Variants in TEX2 observed in about 807,000 individuals in gnomAD.
TEX2 encodes the protein testis expressed 2.
Under a neutral mutation model 106.9 loss-of-function variants are expected in TEX2, and 53 were observed. The ratio of observed to expected loss-of-function variants is 0.50; its 90% confidence interval spans 0.40 to 0.62. TEX2 has a LOEUF of 0.62. TEX2 is among the 20% of genes least tolerant of loss of function. The probability of loss-of-function intolerance (pLI) is 0.00; values close to 1 mark genes in which losing one functional copy is unlikely to be tolerated. For synonymous variants in TEX2, 523 were observed against 534.8 expected, an observed-to-expected ratio of 0.98 and a Z score of 0.30; for missense variants, 1,207 against 1,379.0, an observed-to-expected ratio of 0.88 and a Z score of 1.98.
chr17:64,183,372 A>T (rs958420196), intron 5 of TEX2, among the ~76,000 whole-genome samples: 1 of 152,232 alleles, frequency 6.6e-6, no homozygotes, highest in Non-Finnish European at 1.5e-5. Context: ...ACTATTTCCC[A>T]CAGTGGCTGG....
chr17:64,263,066 C>G (rs1279828878), intron 1 of TEX2, 102 bp downstream of exon 1: 1 of 152,242 alleles, frequency 6.6e-6, no homozygotes, highest in Non-Finnish European at 1.5e-5. Flanking sequence ...CCGCCGGACC[C>G]GACCGGTACT....
intron 1 of TEX2, among the ~76,000 whole-genome samples, chr17:64,235,694 A>C (rs1330789640): frequency 1.3e-5 from 2 of 152,220 alleles, no homozygotes; most frequent in Admixed American, 1.3e-4. Flanking sequence ...TACAGCAAAA[A>C]GAAACCAGCA....
Position 64,148,893 on chromosome 17 carries a change from T to TAC in TEX2, c.*74_*75dup. 1 of 1,582,064 alleles carries TAC rather than the reference T, an allele frequency of 6.3e-7. No individual in the cohort carries two copies. Among genetic ancestry groups the TAC allele is most frequent in the Non-Finnish European group, 8.6e-7 (1 of 1,158,234 alleles). On this transcript the variant is annotated 3_prime_UTR_variant, in exon 12 of 12. Coordinates refer to ENST00000584379, the MANE Select transcript of TEX2 (RefSeq NM_001288732.2). Reference sequence around the variant, plus strand: ...GTAGCTGTGGCACAGAGGCCAGTGCTACAGTACAGATGGCGGCCAAGAACC... The same window carrying TAC: ...GTAGCTGTGGCACAGAGGCCAGTGCTACACAGTACAGATGGCGGCCAAGAACC...
At chr17:64,159,557 A>G (rs116880481) in intron 8 of TEX2, among the ~76,000 whole-genome samples, 3,125 of 152,224 alleles carry the variant, frequency 0.021, 50 homozygotes, top group South Asian at 0.097. Context: ...TCAGGCTTTT[A>G]TGTCCAAGAA....
At chr17:64,225,713 T>G (rs797040986) in intron 1 of TEX2, among the ~76,000 whole-genome samples, 3 of 130,576 alleles carry the variant, frequency 2.3e-5, no homozygotes, top group Non-Finnish European at 5.5e-5. Context: ...TTTTCTTTTT[T>G]TTTGTTTGTT....
chr17:64,150,981 A>T lies in TEX2; in HGVS notation c.3141-20T>A. 6.2e-7 allele frequency: 1 copy of T among 1,611,674 alleles called. No individual in the cohort carries two copies. Among genetic ancestry groups the T allele is most frequent in the Non-Finnish European group, 8.5e-7 (1 of 1,178,824 alleles). On this transcript the variant is annotated intron_variant, in intron 10 of 11. Coordinates refer to ENST00000584379, the MANE Select transcript of TEX2 (RefSeq NM_001288732.2). The stretch of plus-strand genomic sequence containing the variant: ...CCATACCTTTTTGAAGACAAGTAAT[A>T]ACCACATTTAGAAGCAAAGCAAGGA...
At chr17:64,158,907 C>T (rs990776784) in intron 8 of TEX2, among the ~76,000 whole-genome samples, 2 of 152,192 alleles carry the variant, frequency 1.3e-5, no homozygotes, top group Admixed American at 6.5e-5. Flanking sequence ...TATAATTTAA[C>T]ACCCTCACAG....
intron 8 of TEX2, among the ~76,000 whole-genome samples, chr17:64,159,627 G>A (rs142912536): frequency 6.6e-6 from 1 of 152,268 alleles, no homozygotes; most frequent in East Asian, 1.9e-4. Flanking sequence ...GGTTTCACAT[G>A]GGACCGAACA....
At chr17:64,151,040 T>C in intron 10 of TEX2, 79 bp from the exon 11 acceptor site, 1 of 1,492,942 alleles carries the variant, frequency 6.7e-7, no homozygotes, top group Non-Finnish European at 9.2e-7. Context: ...CAGTTCTCAT[T>C]TACATGGGGC....
intron 1 of TEX2, among the ~76,000 whole-genome samples, chr17:64,229,225 T>G (rs563088538): frequency 6.6e-6 from 1 of 152,204 alleles, no homozygotes; most frequent in Admixed American, 6.5e-5. Context: ...CTAATTAACA[T>G]TGTATAAAAT....
At position 64,147,255 on chromosome 17, in the gene TEX2, A is replaced by C. The variant is rs1376247192; in HGVS notation, c.*1714T>G. 6.6e-6 allele frequency: 1 copy of C among 152,264 alleles called. No individual in the cohort carries two copies. The highest frequency in any genetic ancestry group is 2.4e-5 in the African/African-American group (1 of 41,458). The allele number at this position is 152,264 out of a possible 1,614,324, so 9.4% of individuals were successfully genotyped here. ...CACTGGATTCTTTAAATGTGGGCTGAAGATAATGGCACATAGTTTGAAGGA... is the reference window on the plus strand; with the variant it reads ...CACTGGATTCTTTAAATGTGGGCTGCAGATAATGGCACATAGTTTGAAGGA... On this transcript the variant is annotated 3_prime_UTR_variant, in exon 12 of 12. Transcript: ENST00000584379.
chr17:64,189,643 T>G (rs1173742214), intron 4 of TEX2, among the ~76,000 whole-genome samples: 1 of 152,102 alleles, frequency 6.6e-6, no homozygotes, highest in Non-Finnish European at 1.5e-5. Flanking sequence ...TGCTAACAAT[T>G]TTATTTAGAT....
At chr17:64,194,801 C>A in intron 3 of TEX2, 94 bp downstream of exon 3, 1 of 1,255,528 alleles carries the variant, frequency 8.0e-7, no homozygotes. Flanking sequence ...CGACCACAAA[C>A]CTTTTTAGGG....
Position 64,185,462 on chromosome 17 carries a change from A to G in TEX2, c.2424+2706T>C, listed in dbSNP as rs952654776. ...CACTTTCAGACATTTTTTAAAAAAGAGTTCCCTTGTTTCCTGAATTAAATC... is the reference window on the plus strand; with the variant it reads ...CACTTTCAGACATTTTTTAAAAAAGGGTTCCCTTGTTTCCTGAATTAAATC... On this transcript the variant is annotated intron_variant, in intron 5 of 11. Coordinates refer to ENST00000584379, the MANE Select transcript of TEX2 (RefSeq NM_001288732.2). The surrounding 1 kb of genome is among the most constrained non-coding windows in gnomAD (Gnocchi z 4.0). 1.3e-5 allele frequency among the ~76,000 whole-genome samples: 2 copies of G among 152,118 alleles called. No homozygotes were observed. Among genetic ancestry groups the G allele is most frequent in the Admixed American group, 1.3e-4 (2 of 15,256 alleles).
At chr17:64,168,055 AAAAGAATGTGAGGGG>A (rs541651282) in intron 7 of TEX2, among the ~76,000 whole-genome samples, 122 of 152,216 alleles carry the variant, frequency 8.0e-4, no homozygotes, top group African/African-American at 2.7e-3. Context: ...AATATTTTTA[AAAAGAATGTGAGGGG>A]ATCCCATAGG....
At chr17:64,157,517 A>C (rs1048239193) in intron 8 of TEX2, among the ~76,000 whole-genome samples, 1 of 152,246 alleles carries the variant, frequency 6.6e-6, no homozygotes, top group African/African-American at 2.4e-5. Flanking sequence ...CACTCAGGAT[A>C]GCTAAAAGAA....
chr17:64,198,814 G>A (rs2032562522), intron 2 of TEX2, among the ~76,000 whole-genome samples: 1 of 152,072 alleles, frequency 6.6e-6, no homozygotes, highest in Non-Finnish European at 1.5e-5. Flanking sequence ...ACAAAAGCCA[G>A]TAGAATTAAC....
chr17:64,195,080 T>C lies in TEX2; in HGVS notation c.1660A>G (p.Ile554Val), dbSNP rs769994511. ...TAGGTTTCTGGATCATAGTTGTAAATCTCATTCATCCATCCCTGATGAAGA... is the reference window on the plus strand; with the variant it reads ...TAGGTTTCTGGATCATAGTTGTAAACCTCATTCATCCATCCCTGATGAAGA... Reference protein sequence around the residue: ...PEILKGWMNEIYNYDPETYHA... With the variant: ...PEILKGWMNEVYNYDPETYHA... The change falls in exon 3 of 12, where the codon ATT (isoleucine) becomes GTT (valine). Residue 554 changes from isoleucine (I) to valine (V), a missense_variant. Ile to Val is a conservative substitution (Grantham distance 29). Transcript: ENST00000584379. The surrounding 1 kb of genome is among the most constrained non-coding windows in gnomAD (Gnocchi z 4.1). 8 of 1,614,078 alleles carry C rather than the reference T, an allele frequency of 5.0e-6. No individual in the cohort carries two copies. The highest frequency in any genetic ancestry group is 6.8e-6 in the Non-Finnish European group (8 of 1,179,972).
chr17:64,210,057 G>A (rs782347412), intron 2 of TEX2, among the ~76,000 whole-genome samples: 1 of 152,172 alleles, frequency 6.6e-6, no homozygotes, highest in Non-Finnish European at 1.5e-5. Flanking sequence ...GCTCAAACCA[G>A]TTTAAACTGA....
Sources: gnomAD v4.1 joint callset for allele counts (sites outside exome capture counted in the v4.1 genomes callset) on GRCh38, gnomAD v4.1.1 for gene constraint, Gnocchi (gnomAD v3.1) non-coding constraint, MANE v1.5 for transcripts, NCBI Gene and HGNC (gene_info 2026-07-23, HGNC 2026-07-21) for gene names.